Variants in ASXL3 observed in about 807,000 individuals in gnomAD.
ASXL3 encodes ASXL transcriptional regulator 3.
A neutral mutation model predicts 170.6 loss-of-function variants in ASXL3; 34 were observed. The ratio of observed to expected loss-of-function variants is 0.20; its 90% CI spans 0.15 to 0.27. The LOEUF (loss-of-function observed/expected upper bound fraction) is 0.27. Ranked by LOEUF, ASXL3 falls within the 10% of genes least tolerant of loss-of-function variation. The pLI, the probability that ASXL3 is intolerant of heterozygous loss-of-function variation, is 1.00. For synonymous variants in ASXL3, 1,002 were observed against 989.1 expected, an observed-to-expected ratio of 1.01 and a Z score of -0.24; for missense variants, 2,592 against 2,695.3, an observed-to-expected ratio of 0.96 and a Z score of 0.85.
chr18:33,670,638 AT>A, intron 5 of ASXL3, 34 bp from the exon 6 acceptor site: 1 of 1,432,914 alleles, frequency 7.0e-7, no homozygotes, highest in South Asian at 1.3e-5. Context: ...TTTTGGCTAT[AT>A]TTTTATGTTA....
intron 9 of ASXL3, among the ~76,000 whole-genome samples, chr18:33,733,632 T>A (rs1311828202): frequency 6.6e-6 from 1 of 152,172 alleles, no homozygotes; most frequent in African/African-American, 2.4e-5. Context: ...CACCAGAACC[T>A]CCCTCTGTCT....
intron 2 of ASXL3, among the ~76,000 whole-genome samples, chr18:33,637,923 A>G (rs535655813): frequency 2.0e-4 from 30 of 152,248 alleles, no homozygotes; most frequent in African/African-American, 7.0e-4. Context: ...AATTTAGTTC[A>G]GCTCAGCCTA....
chr18:33,740,588 CT>C, intron 11 of ASXL3, 145 bp downstream of exon 11: 1 of 818,852 alleles, frequency 1.2e-6, no homozygotes, highest in Non-Finnish European at 1.8e-6. Flanking sequence ...AAATGATCCT[CT>C]TTATGACTAT....
At chr18:33,608,561 T>A (rs1472045632) in intron 2 of ASXL3, among the ~76,000 whole-genome samples, 1 of 151,956 alleles carries the variant, frequency 6.6e-6, no homozygotes, top group Non-Finnish European at 1.5e-5. Context: ...GCCATATAGA[T>A]GATACTACTC....
chr18:33,593,353 A>G lies in ASXL3; in HGVS notation c.55-14241A>G, dbSNP rs896861304. Among the ~76,000 whole-genome samples the G allele has an allele frequency of 6.3e-5, 9 of 142,478 alleles. No homozygotes were observed. The Admixed American group carries it at 6.8e-4, about 11-fold the overall frequency. The allele number at this position is 142,478 out of a possible 152,430, so 93.5% of individuals were successfully genotyped here. On this transcript the variant is annotated intron_variant, in intron 1 of 11. Coordinates refer to ENST00000269197, the MANE Select transcript of ASXL3 (RefSeq NM_030632.3). ...ATTTCCCAGCCTGTCTGTCTCAGAGATTCCAGTCTATGTTTCCCATCCATT... is the reference window on the plus strand; with the variant it reads ...ATTTCCCAGCCTGTCTGTCTCAGAGGTTCCAGTCTATGTTTCCCATCCATT...
intron 1 of ASXL3, among the ~76,000 whole-genome samples, chr18:33,579,529 C>G (rs1425583243): frequency 6.6e-6 from 1 of 152,140 alleles, no homozygotes; most frequent in African/African-American, 2.4e-5. Flanking sequence ...GAAAGAATGT[C>G]TCTATAGAAA....
intron 8 of ASXL3, among the ~76,000 whole-genome samples, chr18:33,706,783 T>C (rs1185795584): frequency 6.6e-6 from 1 of 151,876 alleles, no homozygotes; most frequent in Non-Finnish European, 1.5e-5. Context: ...TGTCTTTTGA[T>C]TCTCTAAGTG....
intron 6 of ASXL3, among the ~76,000 whole-genome samples, chr18:33,671,449 G>A (rs1464203621): frequency 6.6e-6 from 1 of 151,968 alleles, no homozygotes; most frequent in Non-Finnish European, 1.5e-5. Context: ...GCATAGTATT[G>A]TTCAAGCTTA....
chr18:33,653,569 TC>T (rs2066034613), intron 4 of ASXL3, among the ~76,000 whole-genome samples: 1 of 152,002 alleles, frequency 6.6e-6, no homozygotes, highest in South Asian at 2.1e-4. Context: ...ATATAGAACT[TC>T]CATTGCCCAC....
intron 8 of ASXL3, among the ~76,000 whole-genome samples, chr18:33,724,122 G>C (rs747130738): frequency 6.6e-6 from 1 of 151,988 alleles, no homozygotes; most frequent in Non-Finnish European, 1.5e-5. Context: ...TCGTAGTTTG[G>C]AACTGAATTT....
Position 33,739,314 on chromosome 18 carries a change from A to C in ASXL3, c.1910A>C (p.Glu637Ala). 6.2e-7 allele frequency: 1 copy of C among 1,613,556 alleles called. No homozygotes were observed. Among genetic ancestry groups the C allele is most frequent in the African/African-American group, 1.3e-5 (1 of 75,038 alleles). ...GGAGGGGAAACACAGTCCACATCAGAAGAATCATGTACTCCAGCCTCCCTT... is the reference window on the plus strand; with the variant it reads ...GGAGGGGAAACACAGTCCACATCAGCAGAATCATGTACTCCAGCCTCCCTT... ...SPGGETQSTS[E>A]ESCTPASLET... Residue 637 changes from glutamate to alanine, a missense_variant, in exon 11 of 12, where the codon GAA becomes GCA. Glu to Ala is a moderately radical substitution (Grantham distance 107, BLOSUM62 -1). Transcript: ENST00000269197.
chr18:33,668,116 G>T (rs1362066479), intron 5 of ASXL3, among the ~76,000 whole-genome samples: 2 of 152,036 alleles, frequency 1.3e-5, no homozygotes, highest in Non-Finnish European at 2.9e-5. Context: ...CTTAACCACT[G>T]CATCACACTG....
At chr18:33,706,267 A>T (rs1360760848) in intron 8 of ASXL3, among the ~76,000 whole-genome samples, 1 of 151,840 alleles carries the variant, frequency 6.6e-6, no homozygotes, top group African/African-American at 2.4e-5. Context: ...AATAATCAAG[A>T]TAACATGGAC....
rs764243943 is a variant in ASXL3 at position 33,670,760 on chromosome 18, G to A, written c.565G>A (p.Val189Met). 1.3e-6 allele frequency: 2 copies of A among 1,556,150 alleles called. No individual in the cohort carries two copies. Among genetic ancestry groups the A allele is most frequent in the Non-Finnish European group, 1.7e-6 (2 of 1,149,318 alleles). ...TCGTGTTGTTTTGACACCATTAAAG[G>A]TGTCTGATGAGCAGTCGGATTCGCC... ...VPRVVLTPLK[V>M]SDEQSDSPSG... The change falls in exon 6 of 12, where the codon GTG (valine) becomes ATG (methionine). Residue 189 changes from valine to methionine, a missense_variant. Coordinates refer to ENST00000269197, the MANE Select transcript of ASXL3 (RefSeq NM_030632.3).
chr18:33,739,515 C>A lies in ASXL3; in HGVS notation c.2111C>A (p.Ala704Glu). ...LMSNLPLTSE[A>E]SPVSNLPLTS... ...TCCAACTTACCATTAACATCTGAAGCATCACCAGTATCCAACTTACCTTTA... is the reference window on the plus strand; with the variant it reads ...TCCAACTTACCATTAACATCTGAAGAATCACCAGTATCCAACTTACCTTTA... Residue 704 changes from alanine (A) to glutamate (E), a missense_variant, in exon 11 of 12, where the codon GCA (alanine) becomes GAA (glutamate). Ala to Glu is a moderately radical substitution (Grantham distance 107, BLOSUM62 -1). This residue lies in a region of ASXL3 where 2,246 missense variants were observed against 2,219.6 expected (regional missense o/e 1.01). Transcript: ENST00000269197. The A allele has an allele frequency of 6.2e-7, 1 of 1,613,854 alleles. No individual in the cohort carries two copies. The highest frequency in any genetic ancestry group is 8.5e-7 in the Non-Finnish European group (1 of 1,179,764).
intron 8 of ASXL3, among the ~76,000 whole-genome samples, chr18:33,689,853 AATTC>A (rs1172137713): frequency 1.3e-5 from 2 of 152,100 alleles, no homozygotes; most frequent in Non-Finnish European, 2.9e-5. Flanking sequence ...TCAATGTATT[AATTC>A]ATGTACAAAC....
chr18:33,676,961 T>C (rs972621680), intron 7 of ASXL3, among the ~76,000 whole-genome samples: 1 of 152,216 alleles, frequency 6.6e-6, no homozygotes, highest in Admixed American at 6.5e-5. Context: ...TATCTTACAA[T>C]TTTCTCTAAC....
At chr18:33,689,437 G>A (rs949172225) in intron 8 of ASXL3, among the ~76,000 whole-genome samples, 2 of 152,168 alleles carry the variant, frequency 1.3e-5, no homozygotes, top group Non-Finnish European at 2.9e-5. Context: ...GTAATGTCAC[G>A]TTTAGCAACA....
chr18:33,728,008 G>A lies in ASXL3; in HGVS notation c.880-3960G>A, dbSNP rs35539366. Among the ~76,000 whole-genome samples the A allele has an allele frequency of 2.7e-3, 412 of 152,184 alleles. 4 individuals are homozygous for A. The highest frequency in any genetic ancestry group is 5.1e-3 in the Non-Finnish European group (345 of 67,998). On this transcript the variant is annotated intron_variant, in intron 8 of 11. Transcript: ENST00000269197. ...TTGCATTTCCATGTGCTGAGATCTC[G>A]AGAATCTGTCAGAGCTAATCTGGAT...
Sources: allele counts gnomAD v4.1 joint callset (sites outside exome capture counted in the v4.1 genomes callset), GRCh38; gene constraint gnomAD v4.1.1; regional missense constraint gnomAD v4.1.1; transcripts MANE v1.5; gene names NCBI Gene and HGNC (gene_info 2026-07-23, HGNC 2026-07-21).